Variants in IGDCC3 observed in about 807,000 individuals in gnomAD.
The protein encoded by IGDCC3 is immunoglobulin superfamily DCC subclass member 3.
A neutral mutation model predicts 72.0 loss-of-function variants in IGDCC3; 47 were observed. The ratio of observed to expected loss-of-function variants is 0.65; its 90% CI spans 0.52 to 0.83. The LOEUF is 0.83. Ranked by LOEUF, IGDCC3 falls within the 40% of genes least tolerant of loss-of-function variation. The pLI is 0.00. For missense variants in IGDCC3, 1,038 were observed against 1,091.3 expected (o/e 0.95, Z 0.69); for synonymous variants, 477 against 472.8 (o/e 1.01, Z -0.11).
chr15:65,361,590 C>T (rs995906896), intron 2 of IGDCC3, among the ~76,000 whole-genome samples: 36 of 152,094 alleles, frequency 2.4e-4, no homozygotes, highest in African/African-American at 8.5e-4. Context: ...CCCCAGTTTC[C>T]AGATGAAAAT....
In IGDCC3 at chr15:65,329,794, G is replaced by A. The variant is rs759891168; in HGVS notation, c.1929C>T (p.Ile643=). 3.7e-6 allele frequency: 6 copies of A among 1,614,120 alleles called. No homozygotes were observed. The highest frequency in any genetic ancestry group is 2.2e-5 in the East Asian group (1 of 44,882). The change falls in exon 12 of 14, where the codon ATC becomes ATT. Residue 643 remains isoleucine (I), a synonymous_variant. Coordinates refer to ENST00000327987, the MANE Select transcript of IGDCC3 (RefSeq NM_004884.4). This position sits in a 1 kb window ranked among gnomAD's most constrained non-coding sequence, Gnocchi z 4.1. ...ANQTSTTGIV[I]GIHIGVTCII... is the part of the protein sequence containing the mutation. ...TGCAAGTGACCCCGATGTGGATGCC[G>A]ATGACGATGCCTGTGGTGGACGTCT... is the stretch of plus-strand genomic sequence containing the variant.
intron 2 of IGDCC3, among the ~76,000 whole-genome samples, chr15:65,337,165 C>T (rs183627182): frequency 2.7e-4 from 41 of 152,334 alleles, no homozygotes; most frequent in African/African-American, 8.9e-4. Context: ...GCCCAAAAGG[C>T]GAGCCTTTGT....
At chr15:65,357,668 T>G (rs1426469841) in intron 2 of IGDCC3, among the ~76,000 whole-genome samples, 1 of 152,204 alleles carries the variant, frequency 6.6e-6, no homozygotes. Context: ...ATGAAAAGCT[T>G]TCCAAAATTT....
At chr15:65,337,089 C>T (rs2091036586) in intron 2 of IGDCC3, among the ~76,000 whole-genome samples, 1 of 152,168 alleles carries the variant, frequency 6.6e-6, no homozygotes, top group Non-Finnish European at 1.5e-5. Flanking sequence ...AGGCCACCCT[C>T]CCCGTGGCCC....
At chr15:65,370,586 ATGTATATATATGTATG>A (rs1162788587) in intron 2 of IGDCC3, among the ~76,000 whole-genome samples, 1 of 123,224 alleles carries the variant, frequency 8.1e-6, no homozygotes, top group Non-Finnish European at 1.6e-5. Context: ...ATATATATGT[ATGTATATATATGTATG>A]TGTATATATA....
chr15:65,347,231 C>A (rs1378075629), intron 2 of IGDCC3, among the ~76,000 whole-genome samples: 2 of 152,178 alleles, frequency 1.3e-5, no homozygotes. Context: ...ACAGATACTT[C>A]CCCCGAATTT....
Position 65,328,965 on chromosome 15 carries a change from G to C in IGDCC3, c.2389C>G (p.Gln797Glu). The C allele has an allele frequency of 6.3e-7, 1 of 1,592,770 alleles. No homozygotes were observed. The highest frequency in any genetic ancestry group is 1.1e-5 in the South Asian group (1 of 88,402). ...DGGPGLLSEGQASRPAAARVT... is the reference protein window; with the variant it reads ...DGGPGLLSEGEASRPAAARVT... ...CGGGCCGCTGCAGGCCTGGAAGCCT[G>C]GCCTTCACTGAGGAGGCCAGGGCCT... is the stretch of plus-strand genomic sequence containing the variant. The change falls in exon 14 of 14, where the codon CAG becomes GAG. Residue 797 changes from glutamine (Q) to glutamate (E), a missense_variant. Physicochemically the swap from Gln to Glu is conservative, Grantham distance 29. Transcript: ENST00000327987.
At position 65,330,699 on chromosome 15, in the gene IGDCC3, G is replaced by C; in HGVS notation, c.1604C>G (p.Ser535Cys). The C allele has an allele frequency of 6.2e-7, 1 of 1,613,026 alleles. No individual in the cohort carries two copies. The highest frequency in any genetic ancestry group is 8.5e-7 in the Non-Finnish European group (1 of 1,179,554). ...AGGCTCCCACAGCAGCTGCAAGGAG[G>C]AGCTGCCCAGGACTCGCACTGACAG... ...PPLSVRVLGSSSLQLLWEPWP... is the reference protein window; with the variant it reads ...PPLSVRVLGSCSLQLLWEPWP... The change falls in exon 10 of 14, where the codon TCC becomes TGC. Residue 535 changes from serine (S) to cysteine (C), a missense_variant. Transcript: ENST00000327987.
intron 6 of IGDCC3, among the ~76,000 whole-genome samples, chr15:65,332,914 T>C (rs1206660869): frequency 6.6e-6 from 1 of 151,984 alleles, no homozygotes; most frequent in Non-Finnish European, 1.5e-5. Context: ...GCCACACGTG[T>C]GAATGAAAAC....
intron 2 of IGDCC3, among the ~76,000 whole-genome samples, chr15:65,360,453 T>C (rs754225406): frequency 3.9e-5 from 6 of 152,194 alleles, no homozygotes; most frequent in Admixed American, 6.5e-5. Context: ...GGGACTAAAT[T>C]AGACAGGCCT....
chr15:65,360,434 T>C (rs1318044188), intron 2 of IGDCC3, among the ~76,000 whole-genome samples: 1 of 152,188 alleles, frequency 6.6e-6, no homozygotes, highest in Non-Finnish European at 1.5e-5. Flanking sequence ...TCTAATCTAA[T>C]CTGCAACTGG....
chr15:65,377,624 TC>T lies in IGDCC3; in HGVS notation c.103+61del. On this transcript the variant is annotated intron_variant, in intron 1 of 13. Coordinates refer to ENST00000327987, the MANE Select transcript of IGDCC3 (RefSeq NM_004884.4). The surrounding 1 kb of genome is among the most constrained non-coding windows in gnomAD (Gnocchi z 4.9). ...GGGTCCGCCCCTCGCGCCCGCTCCC[TC>T]CCTGCTCGCCCTTCCCCTGGCTCCG... The T allele has an allele frequency of 7.4e-7, 1 of 1,343,656 alleles. No individual in the cohort carries two copies. The highest frequency in any genetic ancestry group is 9.5e-7 in the Non-Finnish European group (1 of 1,048,778). 83.2% of individuals were successfully genotyped at this position (1,343,656 alleles called of 1,614,324 possible). A position where few individuals can be genotyped will look rare whatever the true frequency, so the allele number is the denominator to read the frequency against.
Position 65,377,967 on chromosome 15 carries a change from G to T in IGDCC3, c.-179C>A. The T allele has an allele frequency of 2.2e-6, 1 of 445,228 alleles. No homozygotes were observed. The highest frequency in any genetic ancestry group is 3.0e-6 in the Non-Finnish European group (1 of 332,436). 27.6% of individuals were successfully genotyped at this position (445,228 alleles called of 1,614,324 possible). A position where few individuals can be genotyped will look rare whatever the true frequency, so the allele number is the denominator to read the frequency against. On this transcript the variant is annotated 5_prime_UTR_variant, in exon 1 of 14. Coordinates refer to ENST00000327987, the MANE Select transcript of IGDCC3 (RefSeq NM_004884.4). The surrounding 1 kb of genome is among the most constrained non-coding windows in gnomAD (Gnocchi z 4.9). ...GCGCGGGGGGCGCAGGGGGAGCGCC[G>T]CTTGCGCCATCTTGCACCCACCCGG... is the stretch of plus-strand genomic sequence containing the variant.
chr15:65,333,760 C>T (rs1314441305), intron 5 of IGDCC3, among the ~76,000 whole-genome samples: 2 of 152,214 alleles, frequency 1.3e-5, no homozygotes, highest in Non-Finnish European at 2.9e-5. Flanking sequence ...GGTCAAATAT[C>T]CATTCTATGC....
intron 4 of IGDCC3, 140 bp from the exon 5 acceptor site, chr15:65,335,005 G>A: frequency 9.5e-7 from 1 of 1,054,874 alleles, no homozygotes; most frequent in Non-Finnish European, 1.3e-6. Context: ...GATACCAGGA[G>A]ACCAGGACGT....
intron 2 of IGDCC3, among the ~76,000 whole-genome samples, chr15:65,360,335 G>A (rs919990472): frequency 7.9e-5 from 12 of 152,224 alleles, no homozygotes; most frequent in Non-Finnish European, 1.5e-4. Context: ...AGAAACAGAG[G>A]AGGGCACGAA....
rs111344779 is a variant in IGDCC3 at position 65,335,746 on chromosome 15, TTC to T, written c.554+64_554+65del. On this transcript the variant is annotated intron_variant, in intron 3 of 13. Coordinates refer to ENST00000327987, the MANE Select transcript of IGDCC3 (RefSeq NM_004884.4). Reference sequence around the variant, plus strand: ...CAGCTCCCAGAGCCGCGGGCCATCCTTCTCTACGGCCAGAGTCACTGGCCACC... The same window carrying T: ...CAGCTCCCAGAGCCGCGGGCCATCCTTCTACGGCCAGAGTCACTGGCCACC... 1.4e-3 allele frequency: 2,155 copies of T among 1,585,134 alleles called. 31 individuals carry two copies. The African/African-American group carries it at 0.025, about 19-fold the overall frequency.
rs1162978978 is a variant in IGDCC3, at chr15:65,334,778, T to A, written c.773A>T (p.Glu258Val). 2 of 1,608,520 alleles carry A rather than the reference T, an allele frequency of 1.2e-6. No individual in the cohort carries two copies. The highest frequency in any genetic ancestry group is 1.7e-6 in the Non-Finnish European group (2 of 1,177,676). Residue 258 changes from glutamate (E) to valine (V), a missense_variant, in exon 5 of 14, where the codon GAG becomes GTG. Transcript: ENST00000327987. The stretch of plus-strand genomic sequence containing the variant: ...GCGCGGGTTGCCCGTGGCGACACAC[T>A]CAAGCACCGCGGTCTGGTGCACTGT... Reference protein sequence around the residue: ...TLTVHQTAVLECVATGNPRPI... With the variant: ...TLTVHQTAVLVCVATGNPRPI...
At chr15:65,334,192 C>T (rs2091005313) in intron 5 of IGDCC3, among the ~76,000 whole-genome samples, 1 of 152,170 alleles carries the variant, frequency 6.6e-6, no homozygotes, top group Non-Finnish European at 1.5e-5. Flanking sequence ...CCCGAGTGAC[C>T]TTTCTGCTCA....
Sources: gnomAD v4.1 joint callset for allele counts (sites outside exome capture counted in the v4.1 genomes callset) on GRCh38, gnomAD v4.1.1 for gene constraint, Gnocchi (gnomAD v3.1) non-coding constraint, MANE v1.5 for transcripts, NCBI Gene and HGNC (gene_info 2026-07-23, HGNC 2026-07-21) for gene names.